Variants in NCAM2 observed in about 807,000 individuals in gnomAD.
NCAM2 encodes the protein N-CAM-2.
In NCAM2, 30 loss-of-function variants were observed where a neutral mutation model predicts 98.1. The observed-to-expected ratio is 0.31, with a 90% CI of 0.23 to 0.41. The LOEUF (loss-of-function observed/expected upper bound fraction) is 0.41, where lower values mean the gene tolerates loss of function less well. Among genes scored for constraint, NCAM2 ranks in the 10% least tolerant of loss-of-function variants. The pLI, the probability that NCAM2 is intolerant of heterozygous loss-of-function variation, is 1.00. For missense variants in NCAM2, 867 were observed against 1,005.8 expected, an observed-to-expected ratio of 0.86 and a Z score of 1.87; for synonymous variants, 368 against 342.4, an observed-to-expected ratio of 1.07 and a Z score of -0.83.
At chr21:21,373,739 C>T in intron 8 of NCAM2, 124 bp from the exon 9 acceptor site, 2 of 848,788 alleles carry the variant, frequency 2.4e-6, no homozygotes, top group Admixed American at 3.1e-5. Flanking sequence ...CTTTCTACAT[C>T]AGGAACAGTT....
At chr21:21,179,617 T>G (rs1168879515) in intron 1 of NCAM2, among the ~76,000 whole-genome samples, 1 of 152,210 alleles carries the variant, frequency 6.6e-6, no homozygotes, top group Non-Finnish European at 1.5e-5. Context: ...AGCTAATTAT[T>G]TTGTATCCGG....
At chr21:21,017,424 CAAAAAA>C (rs11461275) in intron 1 of NCAM2, among the ~76,000 whole-genome samples, 1 of 58,780 alleles carries the variant, frequency 1.7e-5, no homozygotes, top group African/African-American at 7.6e-5. Flanking sequence ...GACTCTGTCT[CAAAAAA>C]AAAAAAAAAA....
chr21:21,309,013 G>C (rs2073964318), intron 5 of NCAM2, among the ~76,000 whole-genome samples: 1 of 151,956 alleles, frequency 6.6e-6, no homozygotes, highest in African/African-American at 2.4e-5. Context: ...ACCTACCCCA[G>C]AACTGAAAAT....
chr21:21,488,123 T>A (rs1986545403), intron 15 of NCAM2, among the ~76,000 whole-genome samples: 1 of 152,122 alleles, frequency 6.6e-6, no homozygotes, highest in Non-Finnish European at 1.5e-5. Flanking sequence ...TTCACTTACA[T>A]ATAGCAAATA....
chr21:21,184,685 A>G (rs183815935), intron 1 of NCAM2, among the ~76,000 whole-genome samples: 120 of 152,282 alleles, frequency 7.9e-4, no homozygotes, highest in Admixed American at 2.8e-3. Context: ...CAGTGTCTCT[A>G]TGTCACATCC....
chr21:21,371,480 A>G (rs2075913191), intron 8 of NCAM2, among the ~76,000 whole-genome samples: 1 of 151,736 alleles, frequency 6.6e-6, no homozygotes, highest in South Asian at 2.1e-4. Context: ...CATTCTGCCT[A>G]TGGTCCCTAT....
chr21:21,311,911 C>A (rs907056084), intron 5 of NCAM2, among the ~76,000 whole-genome samples: 1 of 151,982 alleles, frequency 6.6e-6, no homozygotes, highest in Admixed American at 6.5e-5. Flanking sequence ...TTGAAGGTTC[C>A]TTGAGTTTAT....
chr21:21,421,661 A>C (rs1190724051), intron 11 of NCAM2, among the ~76,000 whole-genome samples: 2 of 152,186 alleles, frequency 1.3e-5, no homozygotes, highest in African/African-American at 4.8e-5. Context: ...ATTTTAAATA[A>C]GATGTAAGAC....
intron 1 of NCAM2, among the ~76,000 whole-genome samples, chr21:21,084,917 A>T (rs985429): frequency 0.61 from 93,152 of 151,964 alleles, 30,983 homozygotes; most frequent in Non-Finnish European, 0.73. Context: ...AATAAATATA[A>T]ATACAATGCT....
At position 21,466,427 on chromosome 21, in the gene NCAM2, C is replaced by A. The variant is rs543693664; in HGVS notation, c.1655-179C>A. On this transcript the variant is annotated intron_variant, in intron 12 of 17. Transcript: ENST00000400546. ...AATAGAGGTGAAGAAGAGAACTATT[C>A]ACAAATCAGTTTCTTCTTATATGAC... 7.9e-5 allele frequency among the ~76,000 whole-genome samples: 12 copies of A among 151,992 alleles called. 1 individual carries two copies. The South Asian group carries it at 2.3e-3, about 29-fold the overall frequency.
intron 10 of NCAM2, among the ~76,000 whole-genome samples, chr21:21,416,837 A>G (rs1301192426): frequency 1.3e-5 from 2 of 152,118 alleles, no homozygotes; most frequent in Non-Finnish European, 2.9e-5. Context: ...CCTAGAATAC[A>G]TCAAATAAGC....
rs987456709 is a variant in NCAM2, at chr21:21,376,460, C to T, written c.1195+2447C>T. ...CCATCAACAGGAGTTTAAATTAAACCGCAGCATGTATTCAGATTTCAAAGT... is the reference window on the plus strand; with the variant it reads ...CCATCAACAGGAGTTTAAATTAAACTGCAGCATGTATTCAGATTTCAAAGT... On this transcript the variant is annotated intron_variant, in intron 9 of 17. Coordinates refer to ENST00000400546, the MANE Select transcript of NCAM2 (RefSeq NM_004540.5). Among the ~76,000 whole-genome samples, 14 of 151,506 alleles carry T rather than the reference C, an allele frequency of 9.2e-5. No homozygotes were observed. The South Asian group carries it at 2.9e-3, about 31-fold the overall frequency.
At chr21:21,166,442 G>A (rs1437479156) in intron 1 of NCAM2, among the ~76,000 whole-genome samples, 1 of 152,078 alleles carries the variant, frequency 6.6e-6, no homozygotes, top group Non-Finnish European at 1.5e-5. Context: ...CCCTGACCTC[G>A]TGATCCATCT....
intron 1 of NCAM2, among the ~76,000 whole-genome samples, chr21:21,236,274 T>C (rs1464822012): frequency 3.4e-5 from 5 of 148,468 alleles, no homozygotes; most frequent in Non-Finnish European, 7.5e-5. Flanking sequence ...TGCTAACTTA[T>C]AGTTTGAAGA....
At position 21,227,342 on chromosome 21, in the gene NCAM2, C is replaced by T. The variant is rs190221329; in HGVS notation, c.56-53236C>T. ...AAAGAAAAGGTAGTTACTATAAAAA[C>T]ATAAAAGAAGATTATTTAAGTTCAA... On this transcript the variant is annotated intron_variant, in intron 1 of 17. Coordinates refer to ENST00000400546, the MANE Select transcript of NCAM2 (RefSeq NM_004540.5). Among the ~76,000 whole-genome samples the T allele has an allele frequency of 5.9e-5, 9 of 151,650 alleles. No individual in the cohort carries two copies. The East Asian group carries it at 1.7e-3, about 29-fold the overall frequency.
intron 9 of NCAM2, among the ~76,000 whole-genome samples, chr21:21,386,260 T>A (rs775138793): frequency 2.0e-5 from 3 of 152,160 alleles, no homozygotes; most frequent in Middle Eastern, 3.2e-3. Flanking sequence ...AATTTAAACA[T>A]ATAAAGAAGC....
intron 1 of NCAM2, among the ~76,000 whole-genome samples, chr21:21,254,240 T>C (rs1184991119): frequency 3.3e-5 from 5 of 152,342 alleles, no homozygotes; most frequent in East Asian, 1.9e-4. Context: ...ATAACATAAA[T>C]GCTACTCATC....
chr21:21,262,742 A>G (rs1333949455), intron 1 of NCAM2, among the ~76,000 whole-genome samples: 1 of 151,804 alleles, frequency 6.6e-6, no homozygotes, highest in Non-Finnish European at 1.5e-5. Flanking sequence ...CTGGTGGTAA[A>G]TACATACCTC....
At chr21:21,472,260 T>C (rs1343101767) in intron 14 of NCAM2, among the ~76,000 whole-genome samples, 3 of 152,026 alleles carry the variant, frequency 2.0e-5, no homozygotes, top group African/African-American at 7.2e-5. Flanking sequence ...CATTTGTAAG[T>C]CTTAATTGAA....
Sources: gnomAD v4.1 joint callset for allele counts (sites outside exome capture counted in the v4.1 genomes callset) on GRCh38, gnomAD v4.1.1 for gene constraint, MANE v1.5 for transcripts, NCBI Gene and HGNC (gene_info 2026-07-23, HGNC 2026-07-21) for gene names.